PARL: variants seen among roughly 807,000 people sequenced by gnomAD.
The protein encoded by PARL is presenilin-associated rhomboid-like protein, mitochondrial.
In PARL, 44 loss-of-function variants were observed where a neutral mutation model predicts 51.6. The observed-to-expected ratio is 0.85, with a 90% CI of 0.67 to 1.10. The LOEUF (loss-of-function observed/expected upper bound fraction) is 1.10, where lower values mean the gene tolerates loss of function less well. Ranked by LOEUF, PARL falls within the 50% of genes least tolerant of loss-of-function variation. The pLI is 0.00. For synonymous variants in PARL, 172 were observed against 164.0 expected, an observed-to-expected ratio of 1.05 and a Z score of -0.37; for missense variants, 441 against 469.5, an observed-to-expected ratio of 0.94 and a Z score of 0.56.
intron 7 of PARL, among the ~76,000 whole-genome samples, chr3:183,835,093 T>C (rs571041407): frequency 8.3e-4 from 126 of 151,166 alleles, no homozygotes; most frequent in Non-Finnish European, 1.4e-3. Context: ...AAAAAGACTT[T>C]ATGGGAGTCC....
chr3:183,860,876 C>T (rs914025449), intron 4 of PARL, among the ~76,000 whole-genome samples: 11 of 142,620 alleles, frequency 7.7e-5, no homozygotes, highest in Admixed American at 3.0e-4. Context: ...AGTGCAGTGG[C>T]GCAATCTTAG....
rs376335908 is a variant in PARL at position 183,829,556 on chromosome 3, G to T, written c.*42C>A. 2 of 1,614,014 alleles carry T rather than the reference G, an allele frequency of 1.2e-6. No homozygotes were observed. Among genetic ancestry groups the T allele is most frequent in the Non-Finnish European group, 1.7e-6 (2 of 1,180,044 alleles). On this transcript the variant is annotated 3_prime_UTR_variant, in exon 10 of 10. Coordinates refer to ENST00000317096, the MANE Select transcript of PARL (RefSeq NM_018622.7). ...TAGCCGATGTCTCCTGGGGCTCTCAGGCGGCAAGGACCAGATGCACCACTA... is the reference window on the plus strand; with the variant it reads ...TAGCCGATGTCTCCTGGGGCTCTCATGCGGCAAGGACCAGATGCACCACTA...
chr3:183,867,389 A>T (rs573418404), intron 2 of PARL, among the ~76,000 whole-genome samples: 2 of 152,222 alleles, frequency 1.3e-5, no homozygotes, highest in South Asian at 4.1e-4. Context: ...AGAATTTAAT[A>T]ATAAAAGCAA....
chr3:183,855,633 T>C lies in PARL; in HGVS notation c.511+7120A>G, dbSNP rs191707826. Among the ~76,000 whole-genome samples the C allele has an allele frequency of 5.3e-5, 8 of 152,288 alleles. No individual in the cohort carries two copies. In the East Asian group the frequency reaches 1.3e-3, roughly 26 times the overall value. On this transcript the variant is annotated intron_variant, in intron 4 of 9. Transcript: ENST00000317096. ...AGTAATTACACAACTTATCAACTTATCATAATGTAGAATCAGTGGGAACCC... is the reference window on the plus strand; with the variant it reads ...AGTAATTACACAACTTATCAACTTACCATAATGTAGAATCAGTGGGAACCC...
downstream of PARL, chr3:183,826,523 T>G: frequency 1.3e-6 from 1 of 770,024 alleles, no homozygotes. Flanking sequence ...AGGTTGTACT[T>G]GGAAGGTATC....
intron 1 of PARL, among the ~76,000 whole-genome samples, chr3:183,872,853 G>A (rs950568231): frequency 2.0e-5 from 3 of 152,136 alleles, no homozygotes; most frequent in African/African-American, 4.8e-5. Flanking sequence ...GCCTAGAGAC[G>A]AGGCAGTCAT....
At chr3:183,864,663 C>T (rs531172264) in intron 3 of PARL, among the ~76,000 whole-genome samples, 57 of 151,946 alleles carry the variant, frequency 3.8e-4, no homozygotes, top group Middle Eastern at 3.4e-3. Flanking sequence ...GTAGTCCCAG[C>T]TACTCCGGAG....
At chr3:183,862,903 C>T (rs768186145) in intron 3 of PARL, 102 bp from the exon 4 acceptor site, 2 of 887,826 alleles carry the variant, frequency 2.3e-6, no homozygotes, top group Non-Finnish European at 3.8e-6. Context: ...AATTCCTCTT[C>T]TGCAAAAATC....
At chr3:183,853,425 G>T (rs1024090641) in intron 4 of PARL, among the ~76,000 whole-genome samples, 1 of 152,088 alleles carries the variant, frequency 6.6e-6, no homozygotes, top group Non-Finnish European at 1.5e-5. Context: ...TTAGCCAGGC[G>T]TGGTGGCACA....
intron 4 of PARL, chr3:183,846,621 A>G: frequency 1.6e-5 from 16 of 985,434 alleles, no homozygotes; most frequent in Non-Finnish European, 1.8e-5. Context: ...ACTGGCACTG[A>G]AACAGACTGT....
chr3:183,851,234 T>G (rs182594573), intron 4 of PARL, among the ~76,000 whole-genome samples: 1 of 152,338 alleles, frequency 6.6e-6, no homozygotes, highest in East Asian at 1.9e-4. Flanking sequence ...TTTGTGACTT[T>G]GAATTAGGTC....
intron 1 of PARL, among the ~76,000 whole-genome samples, chr3:183,869,359 C>T (rs1361710443): frequency 2.6e-5 from 4 of 152,066 alleles, no homozygotes; most frequent in African/African-American, 7.2e-5. Flanking sequence ...AGGCACCCAC[C>T]ACCACACCTG....
At chr3:183,883,518 C>A in intron 1 of PARL, 1 of 786,524 alleles carries the variant, frequency 1.3e-6, no homozygotes, top group Non-Finnish European at 1.5e-6. Context: ...GATCCACCTG[C>A]CTCAGCCTCC....
chr3:183,883,572 A>G (rs1734795708), intron 1 of PARL: 2 of 984,388 alleles, frequency 2.0e-6, no homozygotes, highest in African/African-American at 3.5e-5. Flanking sequence ...ACGCCCGGCC[A>G]GTATTAATCT....
At chr3:183,836,265 A>G (rs1007287322) in intron 7 of PARL, among the ~76,000 whole-genome samples, 9 of 150,780 alleles carry the variant, frequency 6.0e-5, no homozygotes, top group African/African-American at 2.2e-4. Context: ...AAGTTCTTCT[A>G]AACTACTATT....
In PARL at chr3:183,844,251, AAATATCTG is replaced by A. The variant is rs775184103; in HGVS notation, c.579_586del (p.Arg194HisfsTer68). On this transcript the variant is annotated frameshift_variant, in exon 5 of 10. Transcript: ENST00000317096. LOFTEE classifies it high-confidence loss of function. Reference sequence around the variant, plus strand: ...CTTACTTGAGGCTGGATTCGATGTGAAATATCTGATCATTGTCCGCTGCAGAGAAGGTA... The same window carrying A: ...CTTACTTGAGGCTGGATTCGATGTGAATCATTGTCCGCTGCAGAGAAGGTA... 2.5e-6 allele frequency: 4 copies of A among 1,604,732 alleles called. No individual in the cohort carries two copies. The highest frequency in any genetic ancestry group is 1.7e-6 in the Non-Finnish European group (2 of 1,172,486).
rs9860394 is a variant in PARL at position 183,855,963 on chromosome 3, T to A, written c.511+6790A>T. ...AGAGCAAGACTCTGTCTCAAAAAAA[T>A]AAACAAACAAAAAAAAAAACAAAAA... is the stretch of plus-strand genomic sequence containing the variant. On this transcript the variant is annotated intron_variant, in intron 4 of 9. Coordinates refer to ENST00000317096, the MANE Select transcript of PARL (RefSeq NM_018622.7). Among the ~76,000 whole-genome samples the A allele has an allele frequency of 6.9e-3, 650 of 94,548 alleles. 3 individuals carry two copies. The highest frequency in any genetic ancestry group is 0.016 in the Middle Eastern group (2 of 128). The allele number at this position is 94,548 out of a possible 152,430, so 62.0% of individuals were successfully genotyped here. A position where few individuals can be genotyped will look rare whatever the true frequency, so the allele number is the denominator to read the frequency against.
chr3:183,826,524 G>T, downstream of PARL: 1 of 770,956 alleles, frequency 1.3e-6, no homozygotes, highest in Non-Finnish European at 1.6e-6. Context: ...GGTTGTACTT[G>T]GAAGGTATCC....
chr3:183,881,569 C>T (rs1734436480), intron 1 of PARL, among the ~76,000 whole-genome samples: 1 of 152,190 alleles, frequency 6.6e-6, no homozygotes, highest in Non-Finnish European at 1.5e-5. Context: ...TGTCTAAGCA[C>T]ACACAATTGA....
Sources: allele counts gnomAD v4.1 joint callset (sites outside exome capture counted in the v4.1 genomes callset), GRCh38; gene constraint gnomAD v4.1.1; transcripts MANE v1.5; gene names NCBI Gene and HGNC (gene_info 2026-07-23, HGNC 2026-07-21).